Variants in SP6 observed in about 807,000 individuals in gnomAD.
The protein encoded by SP6 is transcription factor Sp6.
SP6 carries 10 observed loss-of-function variants against 23.4 expected under a neutral mutation model. The ratio of observed to expected loss-of-function variants is 0.43; its 90% CI spans 0.26 to 0.72. The LOEUF is 0.72. Ranked by LOEUF, SP6 falls within the 30% of genes least tolerant of loss-of-function variation. The pLI is 0.23. For synonymous variants in SP6, 238 were observed against 238.7 expected (o/e 1.00, Z 0.03); for missense variants, 482 against 523.8 (o/e 0.92, Z 0.78).
the SP6 span, among the ~76,000 whole-genome samples, chr17:47,875,156 C>T: frequency 6.2e-4 from 95 of 152,338 alleles, no homozygotes; most frequent in Non-Finnish European, 1.0e-3. Context: ...TTACCACCCT[C>T]ATCCCTCTCC....
At position 47,847,261 on chromosome 17, in the gene SP6, C is replaced by T. The variant is rs1365834648; in HGVS notation, c.*38G>A. 5 of 1,465,664 alleles carry T rather than the reference C, an allele frequency of 3.4e-6. No homozygotes were observed. The East Asian group carries it at 9.9e-5, about 29-fold the overall frequency. 90.8% of individuals were successfully genotyped at this position (1,465,664 alleles called of 1,614,324 possible). ...CAGACCTGGGGGCTCGCATCCAGTGCCCCCCGGGATACCCGCAGGGAGGCG... is the reference window on the plus strand; with the variant it reads ...CAGACCTGGGGGCTCGCATCCAGTGTCCCCCGGGATACCCGCAGGGAGGCG... On this transcript the variant is annotated 3_prime_UTR_variant, in exon 2 of 2. Transcript: ENST00000536300.
chr17:47,865,270 G>C, the SP6 span: 1 of 152,306 alleles, frequency 6.6e-6, no homozygotes, highest in African/African-American at 2.4e-5. Flanking sequence ...AGGGGACCCA[G>C]GGTGCAAAAG....
At chr17:47,856,267 C>T (rs2033998352), upstream of SP6, among the ~76,000 whole-genome samples, 1 of 152,224 alleles carries the variant, frequency 6.6e-6, no homozygotes, top group African/African-American at 2.4e-5. Flanking sequence ...CACTTCCCAA[C>T]TTGGATCCCC....
chr17:47,860,405 G>A (rs2034027145), upstream of SP6, among the ~76,000 whole-genome samples: 1 of 152,216 alleles, frequency 6.6e-6, no homozygotes, highest in Non-Finnish European at 1.5e-5. Context: ...AAGATCGTGA[G>A]TTCCTTGAGG....
chr17:47,847,797 A>G lies in SP6; in HGVS notation c.633T>C (p.Arg211=). 6.5e-7 allele frequency: 1 copy of G among 1,540,076 alleles called. No individual in the cohort carries two copies. Among genetic ancestry groups the G allele is most frequent in the South Asian group, 1.3e-5 (1 of 79,020 alleles). ...GCACCGACCGCCGGGAGCCTTTGGG[A>G]CGCGCCGCCCCGTCCAGGCTGGAAT... ...GLDSSLDGAA[R]PKGSRRSVPR... The change falls in exon 2 of 2, where the codon CGT becomes CGC. Residue 211 remains arginine (R), a synonymous_variant. Coordinates refer to ENST00000536300, the MANE Select transcript of SP6 (RefSeq NM_001258248.2).
Position 47,848,047 on chromosome 17 carries a change from C to T in SP6, c.383G>A (p.Ser128Asn). Residue 128 changes from serine (S) to asparagine (N), a missense_variant, in exon 2 of 2, where the codon AGC (serine) becomes AAC (asparagine). By Grantham distance (46) the Ser-to-Asn change is conservative. Around this residue, in one of 3 missense-constraint regions of SP6, gnomAD observed 330 missense variants for 332.3 expected, o/e 0.99. Coordinates refer to ENST00000536300, the MANE Select transcript of SP6 (RefSeq NM_001258248.2). This position sits in a 1 kb window ranked among gnomAD's most constrained non-coding sequence, Gnocchi z 5.3. ...GSWWDLHPGT[S>N]WMDLPHTQGA... ...CTGAGTGTGGGGGAGGTCCATCCAG[C>T]TGGTGCCCGGATGAAGGTCCCACCA... 1 of 1,612,708 alleles carries T rather than the reference C, an allele frequency of 6.2e-7. No individual in the cohort carries two copies. The highest frequency in any genetic ancestry group is 8.5e-7 in the Non-Finnish European group (1 of 1,179,724).
upstream of SP6, among the ~76,000 whole-genome samples, chr17:47,852,026 A>C (rs756761236): frequency 4.0e-5 from 6 of 151,758 alleles, no homozygotes; most frequent in Non-Finnish European, 8.8e-5. Flanking sequence ...CAGCCTACGC[A>C]CACCCTCGCC....
chr17:47,871,918 G>A, the SP6 span, among the ~76,000 whole-genome samples: 12 of 152,204 alleles, frequency 7.9e-5, no homozygotes, highest in African/African-American at 2.9e-4. Context: ...ACCGCGCCCG[G>A]CCTCTGGTCT....
chr17:47,860,719 AAAATAAATAAAT>A (rs71141936), upstream of SP6, among the ~76,000 whole-genome samples: 5 of 148,892 alleles, frequency 3.4e-5, no homozygotes, highest in South Asian at 4.2e-4. Context: ...AAAAAAAGTT[AAAATAAATAAAT>A]AAATAAATAA....
rs1228807851 is a variant in SP6 at position 47,847,279 on chromosome 17, G to A, written c.*20C>T. 10 of 1,489,998 alleles carry A rather than the reference G, an allele frequency of 6.7e-6. No homozygotes were observed. The highest frequency in any genetic ancestry group is 8.9e-6 in the Non-Finnish European group (10 of 1,117,746). 92.3% of individuals were successfully genotyped at this position (1,489,998 alleles called of 1,614,324 possible). Reference sequence around the variant, plus strand: ...TCCAGTGCCCCCCGGGATACCCGCAGGGAGGCGGCACTGAGGAGCTCAGTT... The same window carrying A: ...TCCAGTGCCCCCCGGGATACCCGCAAGGAGGCGGCACTGAGGAGCTCAGTT... On this transcript the variant is annotated 3_prime_UTR_variant, in exon 2 of 2. Transcript: ENST00000536300.
At chr17:47,855,005 C>A (rs2033988141), upstream of SP6, among the ~76,000 whole-genome samples, 1 of 152,156 alleles carries the variant, frequency 6.6e-6, no homozygotes, top group African/African-American at 2.4e-5. Flanking sequence ...GAGCCTAAAG[C>A]TGGGGTCAAA....
chr17:47,866,688 T>C, the SP6 span, among the ~76,000 whole-genome samples: 4 of 151,978 alleles, frequency 2.6e-5, no homozygotes, highest in African/African-American at 9.7e-5. Flanking sequence ...CCACCCATCT[T>C]CCCCCAGGCA....
rs1284593751 is a variant in SP6, at chr17:47,848,146, A to G, written c.284T>C (p.Leu95Pro). Residue 95 changes from leucine to proline, a missense_variant, in exon 2 of 2, where the codon CTC becomes CCC. Physicochemically the swap from Leu to Pro is moderately conservative, Grantham distance 98 (BLOSUM62 -3). This residue lies in a region of SP6 where 330 missense variants were observed against 332.3 expected (regional missense o/e 0.99). Transcript: ENST00000536300. The surrounding 1 kb of genome is among the most constrained non-coding windows in gnomAD (Gnocchi z 5.3). Reference protein sequence around the residue: ...SPLAPGPFSKLLQPDMSHHYE... With the variant: ...SPLAPGPFSKPLQPDMSHHYE... ...ATGGTGTGACATGTCCGGCTGCAGG[A>G]GCTTGGAAAAGGGGCCCGGGGCCAA... 5.0e-6 allele frequency: 8 copies of G among 1,613,426 alleles called. No homozygotes were observed. Among genetic ancestry groups the G allele is most frequent in the Non-Finnish European group, 5.9e-6 (7 of 1,179,972 alleles).
At chr17:47,862,074 G>A in the SP6 span, among the ~76,000 whole-genome samples, 1 of 151,470 alleles carries the variant, frequency 6.6e-6, no homozygotes, top group African/African-American at 2.4e-5. Context: ...CTGGCATGGT[G>A]GTGGCTCATG....
At chr17:47,873,308 C>T in the SP6 span, among the ~76,000 whole-genome samples, 1 of 152,190 alleles carries the variant, frequency 6.6e-6, no homozygotes, top group African/African-American at 2.4e-5. Flanking sequence ...ACCTGGGACC[C>T]ATCTGCAAAG....
chr17:47,860,904 C>T, the SP6 span, among the ~76,000 whole-genome samples: 2 of 152,184 alleles, frequency 1.3e-5, no homozygotes, highest in Middle Eastern at 6.8e-3. Context: ...CCATAAGAGG[C>T]CCAGTATCCT....
the SP6 span, chr17:47,863,564 C>CTTTTTTTTTTTTTTTTTT: frequency 2.5e-5 from 2 of 80,108 alleles, 1 homozygote; most frequent in Non-Finnish European, 4.7e-5. Flanking sequence ...TGGACTTCTT[C>CTTTTTTTTTTTTTTTTTT]TTCTTTTTTT....
At chr17:47,872,443 G>C in the SP6 span, among the ~76,000 whole-genome samples, 3 of 152,210 alleles carry the variant, frequency 2.0e-5, no homozygotes, top group Non-Finnish European at 4.4e-5. Flanking sequence ...CTGGGCCGTG[G>C]GGGGAGCTAC....
At chr17:47,865,834 T>C in the SP6 span, among the ~76,000 whole-genome samples, 1 of 152,036 alleles carries the variant, frequency 6.6e-6, no homozygotes, top group Non-Finnish European at 1.5e-5. Context: ...GCCCCAAACA[T>C]ACCATTTCAC....
Sources: gnomAD v4.1 joint callset for allele counts (sites outside exome capture counted in the v4.1 genomes callset) on GRCh38, gnomAD v4.1.1 for gene constraint, gnomAD v4.1.1 regional missense constraint, Gnocchi (gnomAD v3.1) non-coding constraint, MANE v1.5 for transcripts, NCBI Gene and HGNC (gene_info 2026-07-23, HGNC 2026-07-21) for gene names.